THADA: variants seen among roughly 807,000 people sequenced by gnomAD.
The protein encoded by THADA is THADA armadillo repeat containing.
In THADA, 213 loss-of-function variants were observed where a neutral mutation model predicts 219.8. The ratio of observed to expected loss-of-function variants is 0.97; its 90% CI spans 0.87 to 1.09. The LOEUF (loss-of-function observed/expected upper bound fraction) is 1.09. Among genes scored for constraint, THADA ranks in the 50% least tolerant of loss-of-function variants. THADA has a pLI of 0.00. For synonymous variants in THADA, 1,018 were observed against 828.9 expected, an observed-to-expected ratio of 1.23 and a Z score of -3.92; for missense variants, 2,956 against 2,311.3, an observed-to-expected ratio of 1.28 and a Z score of -5.72.
intron 7 of THADA, among the ~76,000 whole-genome samples, chr2:43,584,844 A>G (rs538804173): frequency 2.0e-5 from 3 of 152,346 alleles, no homozygotes; most frequent in Non-Finnish European, 4.4e-5. Flanking sequence ...CCGAGCCAGC[A>G]GACAACTTGT....
In THADA at chr2:43,418,859, C is replaced by T. The variant is rs1053608058; in HGVS notation, c.4058+9241G>A. Among the ~76,000 whole-genome samples, 4 of 152,214 alleles carry T rather than the reference C, an allele frequency of 2.6e-5. No homozygotes were observed. In the East Asian group the frequency reaches 7.7e-4, roughly 29 times the overall value. On this transcript the variant is annotated intron_variant, in intron 28 of 37. Transcript: ENST00000405975. ...GAAAGGAGTCTGCAATAGCATCAAACACCAGAGAAAAAGCAGAAATGAGAA... is the reference window on the plus strand; with the variant it reads ...GAAAGGAGTCTGCAATAGCATCAAATACCAGAGAAAAAGCAGAAATGAGAA...
At chr2:43,550,454 G>T (rs1696620303) in intron 19 of THADA, among the ~76,000 whole-genome samples, 1 of 152,124 alleles carries the variant, frequency 6.6e-6, no homozygotes, top group South Asian at 2.1e-4. Flanking sequence ...AAAGATCAGA[G>T]AATAAATTTT....
intron 30 of THADA, chr2:43,343,261 C>T (rs2104533960): frequency 6.6e-6 from 1 of 152,372 alleles, no homozygotes; most frequent in Non-Finnish European, 1.5e-5. Context: ...TTCTTGAACT[C>T]CTGGGCTCAA....
At position 43,231,107 on chromosome 2, in the gene THADA, G is replaced by A. The variant is rs757625997; in HGVS notation, c.5703C>T (p.Phe1901=). The A allele has an allele frequency of 5.6e-6, 9 of 1,613,912 alleles. No individual in the cohort carries two copies. Among genetic ancestry groups the A allele is most frequent in the Non-Finnish European group, 7.6e-6 (9 of 1,179,862 alleles). Residue 1901 remains phenylalanine (F), a synonymous_variant, in exon 38 of 38, where the codon TTC becomes TTT. Transcript: ENST00000405975. Reference sequence around the variant, plus strand: ...TTTCCTCTTGAATGCGTAGTCTTGTGAACTCCACTGTCTTCACAAACTCAG... The same window carrying A: ...TTTCCTCTTGAATGCGTAGTCTTGTAAACTCCACTGTCTTCACAAACTCAG... ...PAAEFVKTVE[F]TRLRIQEERT...
intron 26 of THADA, among the ~76,000 whole-genome samples, chr2:43,469,167 G>T (rs1433544233): frequency 6.6e-6 from 1 of 152,134 alleles, no homozygotes; most frequent in African/African-American, 2.4e-5. Flanking sequence ...CAAAAGAGGA[G>T]GGACAGGCAC....
chr2:43,294,422 G>A (rs1013315633), intron 31 of THADA, among the ~76,000 whole-genome samples: 3 of 152,208 alleles, frequency 2.0e-5, no homozygotes, highest in Non-Finnish European at 4.4e-5. Flanking sequence ...GGAACCAGCT[G>A]AGCAAAGGCT....
intron 29 of THADA, among the ~76,000 whole-genome samples, chr2:43,373,005 T>C (rs1472343333): frequency 6.6e-6 from 1 of 152,142 alleles, no homozygotes; most frequent in Non-Finnish European, 1.5e-5. Flanking sequence ...CTAGTAAGTA[T>C]TTAAACTCTC....
intron 30 of THADA, among the ~76,000 whole-genome samples, chr2:43,335,974 G>A (rs1206832737): frequency 1.3e-5 from 2 of 151,928 alleles, no homozygotes; most frequent in Non-Finnish European, 2.9e-5. Flanking sequence ...GCGGGCGCCT[G>A]CAGTCCCAGC....
intron 28 of THADA, among the ~76,000 whole-genome samples, chr2:43,412,100 T>C (rs1365520791): frequency 6.6e-6 from 1 of 152,158 alleles, no homozygotes; most frequent in Non-Finnish European, 1.5e-5. Flanking sequence ...ATTTTAAACA[T>C]GAGTAGCATT....
chr2:43,428,188 G>C lies in THADA; in HGVS notation c.3970C>G (p.Leu1324Val), dbSNP rs760789285. The C allele has an allele frequency of 6.2e-7, 1 of 1,607,634 alleles. No individual in the cohort carries two copies. Among genetic ancestry groups the C allele is most frequent in the Non-Finnish European group, 8.5e-7 (1 of 1,176,356 alleles). Reference protein sequence around the residue: ...PNRHPSMFLLLLVLERLYASP... With the variant: ...PNRHPSMFLLVLVLERLYASP... ...GCGTAGAGTCTCTCCAACACCAAAA[G>C]TAAGAGAAACATGCTTGGATGACGA... Residue 1324 changes from leucine to valine, a missense_variant, in exon 28 of 38, where the codon CTT becomes GTT. Leu to Val is a conservative substitution (Grantham distance 32). Transcript: ENST00000405975.
intron 7 of THADA, 46 bp from the exon 8 acceptor site, chr2:43,581,974 A>G (rs1700511952): frequency 7.2e-7 from 1 of 1,379,818 alleles, no homozygotes; most frequent in Non-Finnish European, 9.6e-7. Context: ...TTCAAACAAA[A>G]GTGTGAACAT....
chr2:43,581,021 T>C, intron 8 of THADA, among the ~76,000 whole-genome samples: 1 of 152,202 alleles, frequency 6.6e-6, no homozygotes, highest in East Asian at 1.9e-4. Flanking sequence ...TTAAGTTACA[T>C]TCAAACATAT....
intron 28 of THADA, among the ~76,000 whole-genome samples, chr2:43,414,250 A>G (rs139495792): frequency 6.6e-6 from 1 of 152,324 alleles, no homozygotes; most frequent in African/African-American, 2.4e-5. Context: ...ACATAACCTA[A>G]AATTTACCAT....
intron 30 of THADA, among the ~76,000 whole-genome samples, chr2:43,337,979 C>T (rs771212917): frequency 3.3e-5 from 5 of 151,878 alleles, no homozygotes; most frequent in Non-Finnish European, 7.4e-5. Context: ...AATGTCAAGA[C>T]AATGATAACT....
At chr2:43,560,151 C>A in intron 16 of THADA, 83 bp downstream of exon 16, 1 of 1,226,184 alleles carries the variant, frequency 8.2e-7, no homozygotes, top group Non-Finnish European at 1.1e-6. Flanking sequence ...ATGCAAAGCA[C>A]ATGAATAATC....
chr2:43,589,503 C>T (rs111865342), intron 4 of THADA, among the ~76,000 whole-genome samples: 2,015 of 152,280 alleles, frequency 0.013, 38 homozygotes, highest in African/African-American at 0.045. Flanking sequence ...CAGAGCTTAG[C>T]AGATGACAAG....
chr2:43,588,641 T>C (rs181185482), intron 4 of THADA, among the ~76,000 whole-genome samples: 21 of 152,288 alleles, frequency 1.4e-4, no homozygotes, highest in Non-Finnish European at 2.5e-4. Context: ...ATTATAATGA[T>C]AGCATTTTCC....
chr2:43,271,313 GT>G (rs201268357), intron 36 of THADA, among the ~76,000 whole-genome samples: 5,643 of 152,268 alleles, frequency 0.037, 178 homozygotes, highest in South Asian at 0.17. Context: ...CTCATCAGCT[GT>G]TTGAATTAAT....
At chr2:43,395,007 G>C (rs762748623) in intron 29 of THADA, among the ~76,000 whole-genome samples, 109 of 152,194 alleles carry the variant, frequency 7.2e-4, no homozygotes, top group Non-Finnish European at 1.2e-3. Context: ...ACTATCAAAA[G>C]TAGCCCAGAC....
Sources: gnomAD v4.1 joint callset for allele counts (sites outside exome capture counted in the v4.1 genomes callset) on GRCh38, gnomAD v4.1.1 for gene constraint, MANE v1.5 for transcripts, NCBI Gene and HGNC (gene_info 2026-07-23, HGNC 2026-07-21) for gene names.